The following FBN2 variants were observed in gnomAD, a reference collection of about 807,000 sequenced individuals.
FBN2 encodes fibrillin-2.
In FBN2, 105 loss-of-function variants were observed where a neutral mutation model predicts 355.6. The ratio of observed to expected loss-of-function variants is 0.30; its 90% CI spans 0.25 to 0.35. The LOEUF is 0.35. Ranked by LOEUF, FBN2 falls within the 10% of genes least tolerant of loss-of-function variation. The pLI, the probability that FBN2 is intolerant of heterozygous loss-of-function variation, is 1.00. For synonymous variants in FBN2, 1,350 were observed against 1,301.2 expected (o/e 1.04, Z -0.81); for missense variants, 3,280 against 3,758.7 (o/e 0.87, Z 3.33).
intron 5 of FBN2, among the ~76,000 whole-genome samples, chr5:128,510,048 T>C (rs1756072665): frequency 6.6e-6 from 1 of 152,220 alleles, no homozygotes; most frequent in Non-Finnish European, 1.5e-5. Flanking sequence ...GTTCTCTCTA[T>C]ATATCTGTTT....
At chr5:128,470,372 G>C (rs1311084065) in intron 5 of FBN2, among the ~76,000 whole-genome samples, 1 of 152,186 alleles carries the variant, frequency 6.6e-6, no homozygotes, top group African/African-American at 2.4e-5. Context: ...GAGAAAATAA[G>C]ACAATGAGTA....
rs969268698 is a variant in FBN2 at position 128,345,415 on chromosome 5, G to A, written c.3159C>T (p.Pro1053=). ...PGTKEYETLC[P]RGAGFANRGD... ...CTCGGTTAGCAAAGCCAGCCCCGCGGGGGCACAGCGTCTCGTATTCCTTGG... is the reference window on the plus strand; with the variant it reads ...CTCGGTTAGCAAAGCCAGCCCCGCGAGGGCACAGCGTCTCGTATTCCTTGG... Residue 1053 remains proline, a synonymous_variant, in exon 24 of 65, where the codon CCC becomes CCT. Coordinates refer to ENST00000262464, the MANE Select transcript of FBN2 (RefSeq NM_001999.4). The A allele has an allele frequency of 1.9e-6, 3 of 1,614,124 alleles. No homozygotes were observed. The highest frequency in any genetic ancestry group is 2.5e-6 in the Non-Finnish European group (3 of 1,180,018).
At chr5:128,443,992 T>G (rs1288818725) in intron 7 of FBN2, among the ~76,000 whole-genome samples, 2 of 151,870 alleles carry the variant, frequency 1.3e-5, no homozygotes, top group East Asian at 3.8e-4. Context: ...TTTATAGTTT[T>G]TCCAGATATA....
At chr5:128,260,827 A>G (rs1028514641) in intron 64 of FBN2, among the ~76,000 whole-genome samples, 1 of 152,208 alleles carries the variant, frequency 6.6e-6, no homozygotes, top group African/African-American at 2.4e-5. Flanking sequence ...ACAGCCAGCC[A>G]GTTGTTGATT....
Position 128,393,163 on chromosome 5 carries a change from C to T in FBN2, c.1437G>A (p.Gly479=), listed in dbSNP as rs1752562537. ...GTCCAGTGATGATAGGTCCCTGTCC[C>T]CCGGCCCCCACACCGGCTCCCCCAA... The part of the protein sequence containing the change: ...PGVGGAGVGA[G]GQGPIITGLT... Residue 479 remains glycine, a synonymous_variant, in exon 10 of 65, where the codon GGG becomes GGA. Coordinates refer to ENST00000262464, the MANE Select transcript of FBN2 (RefSeq NM_001999.4). 6.2e-7 allele frequency: 1 copy of T among 1,613,990 alleles called. No homozygotes were observed. Among genetic ancestry groups the T allele is most frequent in the African/African-American group, 1.3e-5 (1 of 74,900 alleles).
intron 5 of FBN2, among the ~76,000 whole-genome samples, chr5:128,471,846 T>A (rs1352378728): frequency 1.3e-5 from 2 of 152,130 alleles, no homozygotes; most frequent in Non-Finnish European, 2.9e-5. Flanking sequence ...TTTATTAGCT[T>A]TTAGGAGTTG....
At chr5:128,469,685 G>C (rs937715267) in intron 5 of FBN2, among the ~76,000 whole-genome samples, 2 of 152,132 alleles carry the variant, frequency 1.3e-5, no homozygotes, top group African/African-American at 4.8e-5. Context: ...AAATTGTACA[G>C]GTGAACAGAG....
chr5:128,283,917 C>A (rs988317125), intron 55 of FBN2, among the ~76,000 whole-genome samples: 2 of 152,150 alleles, frequency 1.3e-5, no homozygotes, highest in African/African-American at 4.8e-5. Flanking sequence ...TATACATATT[C>A]AATCAATCCA....
Position 128,537,774 on chromosome 5 carries a change from C to T in FBN2, c.-171G>A, listed in dbSNP as rs1756900249. 2 of 665,070 alleles carry T rather than the reference C, an allele frequency of 3.0e-6. No individual in the cohort carries two copies. The highest frequency in any genetic ancestry group is 2.8e-5 in the Admixed American group (1 of 35,640). The allele number at this position is 665,070 out of a possible 1,614,324, so 41.2% of individuals were successfully genotyped here. On this transcript the variant is annotated 5_prime_UTR_variant, in exon 1 of 65. Coordinates refer to ENST00000262464, the MANE Select transcript of FBN2 (RefSeq NM_001999.4). Reference sequence around the variant, plus strand: ...TGGAGACCTCGACAGAGCGCCGGCCCCCTGACTGCCCGCGAAGCGAGACGC... The same window carrying T: ...TGGAGACCTCGACAGAGCGCCGGCCTCCTGACTGCCCGCGAAGCGAGACGC...
intron 2 of FBN2, among the ~76,000 whole-genome samples, chr5:128,531,205 T>C (rs553788539): frequency 1.3e-5 from 2 of 152,196 alleles, no homozygotes; most frequent in Admixed American, 6.5e-5. Context: ...TATCACCATA[T>C]ATATAATGGA....
At chr5:128,319,423 A>C (rs1053162570) in intron 34 of FBN2, among the ~76,000 whole-genome samples, 5 of 108,244 alleles carry the variant, frequency 4.6e-5, no homozygotes, top group African/African-American at 1.6e-4. Flanking sequence ...ATTATGAAAA[A>C]ACAAATACAT....
chr5:128,470,462 G>T (rs1490958311), intron 5 of FBN2, among the ~76,000 whole-genome samples: 1 of 152,142 alleles, frequency 6.6e-6, no homozygotes, highest in Non-Finnish European at 1.5e-5. Flanking sequence ...AAGAAAGAAG[G>T]TTTTTATTGT....
At chr5:128,374,954 GA>G in intron 14 of FBN2, among the ~76,000 whole-genome samples, 2 of 151,520 alleles carry the variant, frequency 1.3e-5, no homozygotes, top group African/African-American at 4.8e-5. Context: ...ACCTACTGAG[GA>G]AAAAAAAGCC....
chr5:128,269,309 C>T (rs1765205407), intron 62 of FBN2, among the ~76,000 whole-genome samples: 2 of 144,484 alleles, frequency 1.4e-5, no homozygotes, highest in Admixed American at 6.8e-5. Context: ...TAATAATAAA[C>T]TAATAATAAT....
intron 34 of FBN2, 151 bp from the exon 35 acceptor site, chr5:128,319,152 T>C: frequency 1.6e-6 from 1 of 632,972 alleles, no homozygotes; most frequent in Non-Finnish European, 2.8e-6. Context: ...TAGATAAGTG[T>C]AAAGGGCAAG....
intron 39 of FBN2, among the ~76,000 whole-genome samples, chr5:128,310,400 ATATTTTTTTTTTT>A (rs1164225178): frequency 3.0e-4 from 4 of 13,282 alleles, no homozygotes; most frequent in South Asian, 5.4e-3. Flanking sequence ...ATATATATAT[ATATTTTTTTTTTT>A]TTTTTTTTAT....
At chr5:128,320,996 A>AT (rs1025501283) in intron 34 of FBN2, among the ~76,000 whole-genome samples, 145 of 152,262 alleles carry the variant, frequency 9.5e-4, no homozygotes, top group African/African-American at 3.4e-3. Context: ...GCAGTTTACC[A>AT]TAATTTCCAC....
intron 5 of FBN2, among the ~76,000 whole-genome samples, chr5:128,497,296 A>G (rs1313300528): frequency 6.6e-6 from 1 of 152,246 alleles, no homozygotes; most frequent in Non-Finnish European, 1.5e-5. Context: ...AGTACACACC[A>G]GAAATCCTAG....
Position 128,330,597 on chromosome 5 carries a change from T to C in FBN2, c.4321A>G (p.Thr1441Ala). The C allele has an allele frequency of 6.2e-7, 1 of 1,614,070 alleles. No individual in the cohort carries two copies. The highest frequency in any genetic ancestry group is 1.1e-5 in the South Asian group (1 of 91,082). ...CCTGAGCAGGTAAAGCCATCACCAG[T>C]GAAACCTTCGGAGCAGGCACAGCGG... is the stretch of plus-strand genomic sequence containing the variant. ...SYRCACSEGFTGDGFTCSDVD... is the reference protein window; with the variant it reads ...SYRCACSEGFAGDGFTCSDVD... The change falls in exon 33 of 65, where the codon ACT becomes GCT. Residue 1441 changes from threonine (T) to alanine (A), a missense_variant. Coordinates refer to ENST00000262464, the MANE Select transcript of FBN2 (RefSeq NM_001999.4).
Sources: gnomAD v4.1 joint callset for allele counts (sites outside exome capture counted in the v4.1 genomes callset) on GRCh38, gnomAD v4.1.1 for gene constraint, MANE v1.5 for transcripts, NCBI Gene and HGNC (gene_info 2026-07-23, HGNC 2026-07-21) for gene names.